The following TMPO variants were observed in gnomAD, a reference collection of about 807,000 sequenced individuals.
TMPO encodes the protein LEM domain containing 4.
In TMPO, 22 loss-of-function variants were observed where a neutral mutation model predicts 45.4. The observed-to-expected ratio is 0.48, with a 90% confidence interval of 0.35 to 0.69. TMPO has a LOEUF of 0.69. Among genes scored for constraint, TMPO ranks in the 30% least tolerant of loss-of-function variants. The probability of loss-of-function intolerance (pLI) is 0.01; values close to 1 mark genes in which losing one functional copy is unlikely to be tolerated. For missense variants in TMPO, 512 were observed against 548.8 expected (o/e 0.93, Z 0.67); for synonymous variants, 241 against 204.1 (o/e 1.18, Z -1.54).
chr12:98,544,369 T>C lies in TMPO; in HGVS notation c.783+20T>C. 1 of 1,613,920 alleles carries C rather than the reference T, an allele frequency of 6.2e-7. No homozygotes were observed. Among genetic ancestry groups the C allele is most frequent in the Non-Finnish European group, 8.5e-7 (1 of 1,179,864 alleles). ...AAAAGGGTGATGCAAGGCTTATTCCTTGGGTTTTCAGATTTGTAGGGTTTT... is the reference window on the plus strand; with the variant it reads ...AAAAGGGTGATGCAAGGCTTATTCCCTGGGTTTTCAGATTTGTAGGGTTTT... On this transcript the variant is annotated intron_variant, in intron 5 of 8. Transcript: ENST00000556029.
At chr12:98,539,149 G>A (rs920131883) in intron 4 of TMPO, among the ~76,000 whole-genome samples, 4 of 152,118 alleles carry the variant, frequency 2.6e-5, no homozygotes, top group South Asian at 2.1e-4. Context: ...GCTGTGAGCC[G>A]AGATCGCGCC....
chr12:98,516,400 T>G (rs761504359), intron 1 of TMPO: 191 of 1,191,242 alleles, frequency 1.6e-4, no homozygotes, highest in Non-Finnish European at 1.9e-4. Flanking sequence ...TGGCGGCGGT[T>G]GTTTTGCACG....
rs146158243 is a variant in TMPO at position 98,533,111 on chromosome 12, A to T, written c.565+1273A>T. On this transcript the variant is annotated intron_variant, in intron 3 of 8. Coordinates refer to ENST00000556029, the MANE Select transcript of TMPO (RefSeq NM_001032283.3). Reference sequence around the variant, plus strand: ...TTTATTTCATGCAAGTCTAGCCATGATAGGTGTTTAGAGAAAAGTTCTTCG... The same window carrying T: ...TTTATTTCATGCAAGTCTAGCCATGTTAGGTGTTTAGAGAAAAGTTCTTCG... The T allele has an allele frequency of 2.4e-5, 39 of 1,614,162 alleles. No homozygotes were observed. The South Asian group carries it at 4.2e-4, about 17-fold the overall frequency.
At chr12:98,540,828 T>C (rs1222040258) in intron 4 of TMPO, among the ~76,000 whole-genome samples, 2 of 152,258 alleles carry the variant, frequency 1.3e-5, no homozygotes, top group South Asian at 2.1e-4. Context: ...GCGGCCTTCC[T>C]GTTACATCGT....
intron 4 of TMPO, among the ~76,000 whole-genome samples, chr12:98,543,149 T>A (rs574011243): frequency 2.0e-5 from 3 of 152,122 alleles, no homozygotes; most frequent in Non-Finnish European, 2.9e-5. Flanking sequence ...TGTCACAGGA[T>A]TAAAGTTTAA....
intron 2 of TMPO, among the ~76,000 whole-genome samples, chr12:98,528,251 C>CTTTTT (rs72519624): frequency 3.0e-5 from 4 of 131,398 alleles, no homozygotes; most frequent in African/African-American, 1.1e-4. Context: ...TTATATCGTA[C>CTTTTT]TTTTTTTTTT....
intron 1 of TMPO, 24 bp downstream of exon 1, chr12:98,516,170 C>T: frequency 2.2e-6 from 3 of 1,346,378 alleles, no homozygotes; most frequent in Non-Finnish European, 2.8e-6. Flanking sequence ...GCCGGGGCTA[C>T]AAAGGCGGGC....
intron 3 of TMPO, chr12:98,534,350 A>G (rs1203502578): frequency 6.2e-7 from 1 of 1,610,726 alleles, no homozygotes; most frequent in Admixed American, 1.7e-5. Flanking sequence ...TAGTAAAATT[A>G]AGGACAAAAA....
At chr12:98,545,335 T>C (rs1263429413) in intron 7 of TMPO, among the ~76,000 whole-genome samples, 1 of 152,152 alleles carries the variant, frequency 6.6e-6, no homozygotes, top group Non-Finnish European at 1.5e-5. Context: ...CTGTTCTGCT[T>C]ATAATATGTT....
intron 1 of TMPO, among the ~76,000 whole-genome samples, chr12:98,518,943 G>A (rs1459525240): frequency 6.6e-6 from 1 of 151,556 alleles, no homozygotes; most frequent in African/African-American, 2.4e-5. Flanking sequence ...GTGCGGTGGC[G>A]CGATCTTGGC....
chr12:98,522,776 A>G (rs969532632), intron 1 of TMPO, among the ~76,000 whole-genome samples: 3 of 152,260 alleles, frequency 2.0e-5, no homozygotes, highest in Non-Finnish European at 2.9e-5. Context: ...GTTAGTGAAG[A>G]GCATGCTTGA....
intron 2 of TMPO, 132 bp from the exon 3 acceptor site, chr12:98,531,548 T>C: frequency 1.9e-6 from 1 of 518,082 alleles, no homozygotes; most frequent in Non-Finnish European, 3.0e-6. Flanking sequence ...TTATATGGTA[T>C]TTTTTTTTTT....
In TMPO at chr12:98,532,921, A is replaced by G. The variant is rs759225445; in HGVS notation, c.565+1083A>G. The G allele has an allele frequency of 2.9e-5, 47 of 1,613,952 alleles. No homozygotes were observed. The highest frequency in any genetic ancestry group is 3.8e-5 in the Non-Finnish European group (45 of 1,180,020). Reference sequence around the variant, plus strand: ...CTCTGGTGGTGGATTTTTTCAGGGTATTTCTTTTCCTGAAATCTCCACCCG... The same window carrying G: ...CTCTGGTGGTGGATTTTTTCAGGGTGTTTCTTTTCCTGAAATCTCCACCCG... On this transcript the variant is annotated intron_variant, in intron 3 of 8. Coordinates refer to ENST00000556029, the MANE Select transcript of TMPO (RefSeq NM_001032283.3).
chr12:98,521,737 AGT>A (rs1276343850), intron 1 of TMPO, among the ~76,000 whole-genome samples: 1 of 151,876 alleles, frequency 6.6e-6, no homozygotes, highest in Non-Finnish European at 1.5e-5. Flanking sequence ...GTGAATTATG[AGT>A]GTGTGTTTGA....
intron 4 of TMPO, among the ~76,000 whole-genome samples, chr12:98,541,165 G>A (rs936239334): frequency 6.6e-6 from 1 of 151,998 alleles, no homozygotes; most frequent in Non-Finnish European, 1.5e-5. Context: ...ATAGTAAGAC[G>A]TCCCAGGCTC....
intron 1 of TMPO, 118 bp downstream of exon 1, chr12:98,516,264 G>T (rs1875803373): frequency 4.8e-6 from 6 of 1,260,198 alleles, no homozygotes; most frequent in Non-Finnish European, 2.0e-6. Context: ...GTGCGGGGCT[G>T]TCCCTGCGCC....
intron 6 of TMPO, 65 bp downstream of exon 6, chr12:98,544,602 G>A (rs539748387): frequency 3.5e-5 from 47 of 1,346,920 alleles, no homozygotes; most frequent in Middle Eastern, 2.1e-4. Flanking sequence ...TTGGAAATGG[G>A]GAGGTGGTGA....
At chr12:98,517,089 G>C (rs1294040803) in intron 1 of TMPO, among the ~76,000 whole-genome samples, 1 of 152,336 alleles carries the variant, frequency 6.6e-6, no homozygotes, top group East Asian at 1.9e-4. Context: ...GGGATAACAG[G>C]CGTGAGCCAC....
At chr12:98,518,238 C>T (rs1421670783) in intron 1 of TMPO, among the ~76,000 whole-genome samples, 2 of 151,492 alleles carry the variant, frequency 1.3e-5, no homozygotes, top group Non-Finnish European at 2.9e-5. Context: ...CTTCATTGGT[C>T]CTCTGTGCAA....
Sources: allele counts gnomAD v4.1 joint callset (sites outside exome capture counted in the v4.1 genomes callset), GRCh38; gene constraint gnomAD v4.1.1; transcripts MANE v1.5; gene names NCBI Gene and HGNC (gene_info 2026-07-23, HGNC 2026-07-21).